The following PATJ variants were observed in gnomAD, a reference collection of about 807,000 sequenced individuals.
The protein encoded by PATJ is inaD-like protein.
In PATJ, 190 loss-of-function variants were observed where a neutral mutation model predicts 224.9. The observed-to-expected ratio is 0.84, with a 90% CI of 0.75 to 0.95. The LOEUF is 0.95. PATJ is among the 40% of genes least tolerant of loss of function. The probability of loss-of-function intolerance (pLI) is 0.00; values close to 1 mark genes in which losing one functional copy is unlikely to be tolerated. For missense variants in PATJ, 2,121 were observed against 2,270.3 expected (o/e 0.93, Z 1.34); for synonymous variants, 769 against 820.3 (o/e 0.94, Z 1.07).
chr1:61,937,777 A>G (rs1557904755), intron 27 of PATJ, among the ~76,000 whole-genome samples: 1 of 151,750 alleles, frequency 6.6e-6, no homozygotes, highest in Non-Finnish European at 1.5e-5. Flanking sequence ...CAGCCTCCCA[A>G]GTAGCTGAGA....
chr1:61,868,336 CA>C (rs1665736471), intron 20 of PATJ, among the ~76,000 whole-genome samples: 1 of 152,154 alleles, frequency 6.6e-6, no homozygotes, highest in Admixed American at 6.6e-5. Flanking sequence ...GCCAACCAAA[CA>C]CTATTTTATT....
intron 27 of PATJ, among the ~76,000 whole-genome samples, chr1:61,932,349 G>C (rs1404256745): frequency 6.6e-6 from 1 of 152,194 alleles, no homozygotes; most frequent in African/African-American, 2.4e-5. Flanking sequence ...GAGCCCATAA[G>C]TTTACTTAGG....
chr1:62,042,971 A>G (rs908139919), intron 30 of PATJ, among the ~76,000 whole-genome samples: 10 of 152,152 alleles, frequency 6.6e-5, no homozygotes, highest in South Asian at 2.1e-4. Context: ...TTATGTGTCA[A>G]TGTTCTAGAC....
At chr1:61,800,282 TA>T (rs1394708809) in intron 11 of PATJ, among the ~76,000 whole-genome samples, 9 of 152,244 alleles carry the variant, frequency 5.9e-5, no homozygotes, top group Non-Finnish European at 1.3e-4. Context: ...GACTTTTTAA[TA>T]ATGGCCATTC....
intron 39 of PATJ, among the ~76,000 whole-genome samples, chr1:62,125,597 T>C (rs1455167938): frequency 6.6e-6 from 1 of 152,218 alleles, no homozygotes; most frequent in Non-Finnish European, 1.5e-5. Flanking sequence ...GGAAACATCA[T>C]GATGGATTTA....
At chr1:61,779,876 G>A (rs1004648462) in intron 7 of PATJ, among the ~76,000 whole-genome samples, 15 of 152,192 alleles carry the variant, frequency 9.9e-5, no homozygotes, top group African/African-American at 3.6e-4. Context: ...GCCAGTGTGT[G>A]CAGAGATCAC....
chr1:61,936,233 T>C, intron 27 of PATJ, among the ~76,000 whole-genome samples: 1 of 139,116 alleles, frequency 7.2e-6, no homozygotes, highest in South Asian at 2.1e-4. Context: ...AAAATATATA[T>C]ACATATATAT....
intron 9 of PATJ, among the ~76,000 whole-genome samples, chr1:61,794,403 C>T (rs991326505): frequency 6.6e-5 from 10 of 152,240 alleles, no homozygotes; most frequent in Admixed American, 2.6e-4. Context: ...CCTCAGCCTC[C>T]CAAAGCGCTG....
intron 23 of PATJ, among the ~76,000 whole-genome samples, chr1:61,901,010 G>T (rs1454730486): frequency 6.6e-6 from 1 of 152,142 alleles, no homozygotes; most frequent in Non-Finnish European, 1.5e-5. Flanking sequence ...TAGGAGATGG[G>T]AATATTTGGG....
chr1:61,990,134 A>G, intron 27 of PATJ, 34 bp from the exon 28 acceptor site: 1 of 1,391,624 alleles, frequency 7.2e-7, no homozygotes, highest in Non-Finnish European at 9.9e-7. Context: ...AGATCAAGCT[A>G]CTCTATTTAA....
chr1:62,139,624 A>C (rs1667297738), intron 41 of PATJ, among the ~76,000 whole-genome samples: 1 of 152,050 alleles, frequency 6.6e-6, no homozygotes, highest in African/African-American at 2.4e-5. Context: ...TGGAGATCAG[A>C]TTATCCCCTT....
intron 29 of PATJ, among the ~76,000 whole-genome samples, chr1:62,035,878 G>A (rs541210549): frequency 1.4e-4 from 21 of 152,168 alleles, no homozygotes; most frequent in Admixed American, 9.8e-4. Flanking sequence ...AGGAAATGAC[G>A]TTTATGATGA....
At chr1:62,022,252 A>G (rs1647127582) in intron 29 of PATJ, among the ~76,000 whole-genome samples, 3 of 152,214 alleles carry the variant, frequency 2.0e-5, no homozygotes, top group South Asian at 2.1e-4. Flanking sequence ...TAATTTATCT[A>G]TAATTGGCAA....
At chr1:62,068,048 G>A (rs1391821001) in intron 31 of PATJ, among the ~76,000 whole-genome samples, 1 of 152,148 alleles carries the variant, frequency 6.6e-6, no homozygotes, top group African/African-American at 2.4e-5. Context: ...ACCCACCTCG[G>A]CCTTACACAG....
intron 27 of PATJ, among the ~76,000 whole-genome samples, chr1:61,986,230 G>T (rs1358169981): frequency 6.6e-6 from 1 of 151,974 alleles, no homozygotes; most frequent in East Asian, 1.9e-4. Context: ...GTCTTTAATA[G>T]CTAGTAGTTC....
At chr1:62,015,382 AG>A (rs1646714873) in intron 28 of PATJ, among the ~76,000 whole-genome samples, 1 of 152,206 alleles carries the variant, frequency 6.6e-6, no homozygotes, top group Non-Finnish European at 1.5e-5. Flanking sequence ...TTTGATATCA[AG>A]GGTACTCTAA....
intron 39 of PATJ, among the ~76,000 whole-genome samples, chr1:62,123,712 C>T (rs1345403315): frequency 3.4e-5 from 5 of 146,028 alleles, no homozygotes; most frequent in Non-Finnish European, 5.9e-5. Flanking sequence ...CTCCTGACCT[C>T]GTGATCCACC....
chr1:62,067,847 C>G (rs959437911), intron 31 of PATJ, among the ~76,000 whole-genome samples: 1 of 152,242 alleles, frequency 6.6e-6, no homozygotes, highest in Admixed American at 6.5e-5. Flanking sequence ...ATAACCCCAG[C>G]TGGAGTGCAG....
chr1:62,038,126 G>T (rs1650790957), intron 30 of PATJ, 77 bp downstream of exon 30: 2 of 903,582 alleles, frequency 2.2e-6, no homozygotes, highest in Non-Finnish European at 3.4e-6. Flanking sequence ...TGACATTTTT[G>T]ATATTCAGTA....
Sources: allele counts gnomAD v4.1 joint callset (sites outside exome capture counted in the v4.1 genomes callset), GRCh38; gene constraint gnomAD v4.1.1; transcripts MANE v1.5; gene names NCBI Gene and HGNC (gene_info 2026-07-23, HGNC 2026-07-21).